Variants in PRR5 observed in about 807,000 individuals in gnomAD.
The protein encoded by PRR5 is proline-rich protein 5.
Under a neutral mutation model 30.6 loss-of-function variants are expected in PRR5, and 25 were observed. The ratio of observed to expected loss-of-function variants is 0.82; its 90% CI spans 0.60 to 1.14. The LOEUF is 1.14. Among genes scored for constraint, PRR5 ranks in the 50% most tolerant of loss-of-function variants. The probability of loss-of-function intolerance (pLI) is 0.00; values close to 1 mark genes in which losing one functional copy is unlikely to be tolerated. For missense variants in PRR5, 600 were observed against 547.1 expected, an observed-to-expected ratio of 1.10 and a Z score of -0.96; for synonymous variants, 286 against 247.1, an observed-to-expected ratio of 1.16 and a Z score of -1.48.
intron 1 of PRR5, among the ~76,000 whole-genome samples, chr22:44,702,826 G>C (rs905888408): frequency 2.2e-4 from 33 of 152,114 alleles, no homozygotes; most frequent in African/African-American, 8.0e-4. Flanking sequence ...AGCGAGGCCC[G>C]CCAGCGCCCG....
intron 1 of PRR5, among the ~76,000 whole-genome samples, chr22:44,686,023 G>C (rs1282866261): frequency 7.2e-5 from 11 of 152,128 alleles, no homozygotes; most frequent in Non-Finnish European, 5.9e-5. Flanking sequence ...GGGAGGCCAA[G>C]GCAGGCAAAT....
In PRR5 at chr22:44,702,613, G is replaced by A. The variant is rs1926506291; in HGVS notation, c.134+5G>A. 7.6e-7 allele frequency: 1 copy of A among 1,316,034 alleles called. No homozygotes were observed. The allele number at this position is 1,316,034 out of a possible 1,614,324, so 81.5% of individuals were successfully genotyped here. ...CGCCAACGCCACCTGGAACAGGTAA[G>A]GCCGCGCCCTCCCGGCCACCCGGAG... On this transcript the variant is annotated splice_donor_5th_base_variant and intron_variant, in intron 1 of 7. Coordinates refer to ENST00000336985, the MANE Select transcript of PRR5 (RefSeq NM_181333.4).
intron 2 of PRR5, among the ~76,000 whole-genome samples, chr22:44,721,224 A>C (rs527823063): frequency 6.6e-6 from 1 of 152,312 alleles, no homozygotes; most frequent in East Asian, 1.9e-4. Context: ...TGAAAACGAA[A>C]GCACACTCCC....
chr22:44,687,812 T>C (rs887452524), intron 1 of PRR5, among the ~76,000 whole-genome samples: 1 of 152,126 alleles, frequency 6.6e-6, no homozygotes. Flanking sequence ...TCTCACTCCG[T>C]CGCCCAGGCT....
chr22:44,729,611 A>G (rs1921547712), intron 4 of PRR5: 1 of 985,274 alleles, frequency 1.0e-6, no homozygotes. Context: ...GCCTGGAGGA[A>G]CTTCCTGGGG....
At chr22:44,719,142 T>C (rs1034459) in intron 2 of PRR5, among the ~76,000 whole-genome samples, 52,531 of 151,478 alleles carry the variant, frequency 0.35, 9,375 homozygotes, top group South Asian at 0.56. Flanking sequence ...AGCAGTGGCA[T>C]GAACATAGCT....
upstream of PRR5, among the ~76,000 whole-genome samples, chr22:44,673,930 T>C (rs947344897): frequency 6.6e-6 from 1 of 152,142 alleles, no homozygotes; most frequent in Non-Finnish European, 1.5e-5. Flanking sequence ...TCATAAAGCC[T>C]TGGGGTGGAC....
rs1411375351 is a variant in PRR5 at position 44,702,335 on chromosome 22, C to G, written c.-140C>G. The G allele has an allele frequency of 4.3e-6, 5 of 1,158,258 alleles. No individual in the cohort carries two copies. The highest frequency in any genetic ancestry group is 5.3e-6 in the Non-Finnish European group (5 of 935,360). 71.7% of individuals were successfully genotyped at this position (1,158,258 alleles called of 1,614,324 possible). Reference sequence around the variant, plus strand: ...CGGAGGCGCGGGGCCGGGGCGGGACCCCGCAGGACCGCTCGGCTTCCTGCT... The same window carrying G: ...CGGAGGCGCGGGGCCGGGGCGGGACGCCGCAGGACCGCTCGGCTTCCTGCT... On this transcript the variant is annotated 5_prime_UTR_variant, in exon 1 of 8. Coordinates refer to ENST00000336985, the MANE Select transcript of PRR5 (RefSeq NM_181333.4).
rs1275343053 is a variant in PRR5 at position 44,737,471 on chromosome 22, A to G, written c.*224A>G. 8.5e-6 allele frequency: 8 copies of G among 944,478 alleles called. No homozygotes were observed. The Admixed American group carries it at 2.5e-4, about 30-fold the overall frequency. 58.5% of individuals were successfully genotyped at this position (944,478 alleles called of 1,614,324 possible). A position where few individuals can be genotyped will look rare whatever the true frequency, so the allele number is the denominator to read the frequency against. On this transcript the variant is annotated 3_prime_UTR_variant, in exon 8 of 8. Transcript: ENST00000336985. ...CAGGCATCTGAGTCGGCGTTTACCC[A>G]GGGGCCGGGCCAGAGACGGGGGTCG...
intron 2 of PRR5, among the ~76,000 whole-genome samples, chr22:44,724,139 T>G (rs1276282837): frequency 6.6e-6 from 1 of 152,124 alleles, no homozygotes; most frequent in Non-Finnish European, 1.5e-5. Flanking sequence ...CAGGACTGAT[T>G]AGAAAGTTTT....
intron 1 of PRR5, among the ~76,000 whole-genome samples, chr22:44,695,378 A>C (rs536319649): frequency 1.3e-5 from 2 of 152,222 alleles, no homozygotes; most frequent in Non-Finnish European, 2.9e-5. Context: ...ACAAGGATCA[A>C]TAACAAGGGT....
At chr22:44,680,642 C>T (rs1315527270) in intron 1 of PRR5, among the ~76,000 whole-genome samples, 2 of 152,184 alleles carry the variant, frequency 1.3e-5, no homozygotes, top group East Asian at 3.9e-4. Context: ...CCCATGCCTG[C>T]CCACCACAGC....
intron 1 of PRR5, chr22:44,679,688 A>G: frequency 2.0e-6 from 2 of 1,022,886 alleles, no homozygotes; most frequent in Non-Finnish European, 2.8e-6. Flanking sequence ...CCTGGGCAAC[A>G]AGAGCGAAAC....
At chr22:44,693,974 A>C (rs1925525047) in intron 1 of PRR5, among the ~76,000 whole-genome samples, 1 of 151,912 alleles carries the variant, frequency 6.6e-6, no homozygotes. Flanking sequence ...TTTAGGGCCC[A>C]CTTACTCCAG....
chr22:44,674,444 C>T (rs111946074), upstream of PRR5, among the ~76,000 whole-genome samples: 2,763 of 152,080 alleles, frequency 0.018, 69 homozygotes, highest in African/African-American at 0.061. Flanking sequence ...AAGACCAGGC[C>T]GGGTACGGTG....
chr22:44,685,213 G>A (rs1482540044), intron 1 of PRR5, among the ~76,000 whole-genome samples: 1 of 152,176 alleles, frequency 6.6e-6, no homozygotes, highest in East Asian at 1.9e-4. Context: ...GGGCCTCCGT[G>A]AGTGAGCATG....
At chr22:44,674,578 G>A (rs370822941), upstream of PRR5, among the ~76,000 whole-genome samples, 30 of 152,096 alleles carry the variant, frequency 2.0e-4, no homozygotes, top group East Asian at 3.5e-3. Context: ...AAAATTAGCC[G>A]GGCGTGGTGG....
Position 44,732,169 on chromosome 22 carries a change from CT to C in PRR5, c.415-81del, listed in dbSNP as rs1922124236. 7.0e-6 allele frequency: 11 copies of C among 1,571,470 alleles called. No homozygotes were observed. The South Asian group carries it at 1.1e-4, about 16-fold the overall frequency. The stretch of plus-strand genomic sequence containing the variant: ...CTGAGGGTCGGCAGGTCTCTTCCCC[CT>C]GTGGGGTCCCAGGACCGGGAGAGGG... On this transcript the variant is annotated intron_variant, in intron 5 of 7. Transcript: ENST00000336985.
In PRR5 at chr22:44,691,020, C is replaced by G. The variant is rs1308040132; in HGVS notation, c.-10-11472C>G. ...CTCTGAGCAGCCAGGGCAGAGGCAT[C>G]CTGGGTGCCCAAGTGAACGTGCTGG... is the stretch of plus-strand genomic sequence containing the variant. On this transcript the variant is annotated intron_variant, in intron 1 of 8. Transcript: ENST00000006251. This position sits in a 1 kb window ranked among gnomAD's most constrained non-coding sequence, Gnocchi z 4.4. Among the ~76,000 whole-genome samples, 1 of 152,006 alleles carries G rather than the reference C, an allele frequency of 6.6e-6. No individual in the cohort carries two copies. The highest frequency in any genetic ancestry group is 1.5e-5 in the Non-Finnish European group (1 of 68,000).
Sources: allele counts gnomAD v4.1 joint callset (sites outside exome capture counted in the v4.1 genomes callset), GRCh38; gene constraint gnomAD v4.1.1; non-coding constraint Gnocchi (gnomAD v3.1); transcripts MANE v1.5; gene names NCBI Gene and HGNC (gene_info 2026-07-23, HGNC 2026-07-21).